Variants in C7orf78 observed in about 807,000 individuals in gnomAD.
The protein encoded by C7orf78 is putative uncharacterized protein C7orf78.
the C7orf78 span, among the ~76,000 whole-genome samples, chr7:12,508,394 A>G: frequency 7.2e-6 from 1 of 138,140 alleles, no homozygotes; most frequent in East Asian, 2.7e-4. Flanking sequence ...ATAACATTTC[A>G]TTGGAAAAAA....
the C7orf78 span, among the ~76,000 whole-genome samples, chr7:12,496,019 G>A: frequency 5.9e-5 from 9 of 151,738 alleles, no homozygotes; most frequent in South Asian, 2.1e-4. Context: ...TCTGCCTCCC[G>A]GGTTCACGCC....
chr7:12,488,809 G>A, the C7orf78 span, among the ~76,000 whole-genome samples: 1 of 151,950 alleles, frequency 6.6e-6, no homozygotes, highest in Non-Finnish European at 1.5e-5. Context: ...TGAGGTAGCT[G>A]TTGTAAGAAA....
the C7orf78 span, among the ~76,000 whole-genome samples, chr7:12,518,568 C>T: frequency 6.6e-6 from 1 of 152,080 alleles, no homozygotes; most frequent in Non-Finnish European, 1.5e-5. Flanking sequence ...TGTGTTTGTG[C>T]TGTTGGCAGC....
At chr7:12,539,194 G>C in the C7orf78 span, among the ~76,000 whole-genome samples, 1 of 152,218 alleles carries the variant, frequency 6.6e-6, no homozygotes, top group Admixed American at 6.5e-5. Context: ...GCCGGGCGCA[G>C]TGGCTCACAC....
chr7:12,490,588 G>C, the C7orf78 span, among the ~76,000 whole-genome samples: 1 of 152,086 alleles, frequency 6.6e-6, no homozygotes, highest in Non-Finnish European at 1.5e-5. Flanking sequence ...TTTTATTAAA[G>C]TGTCTTGAAA....
the C7orf78 span, chr7:12,523,405 C>A: frequency 1.8e-5 from 7 of 398,030 alleles, no homozygotes; most frequent in African/African-American, 1.4e-4. Flanking sequence ...ATGTCAATCC[C>A]AAACCACATG....
At chr7:12,508,137 ACT>A in the C7orf78 span, among the ~76,000 whole-genome samples, 4 of 152,020 alleles carry the variant, frequency 2.6e-5, no homozygotes, top group Admixed American at 2.6e-4. Flanking sequence ...TAAGTATAAA[ACT>A]CTTGTTAATT....
chr7:12,506,424 A>G, the C7orf78 span, among the ~76,000 whole-genome samples: 3 of 152,356 alleles, frequency 2.0e-5, no homozygotes, highest in Admixed American at 2.0e-4. Context: ...GGATAGAGAA[A>G]ATGTGGCACA....
the C7orf78 span, among the ~76,000 whole-genome samples, chr7:12,504,977 G>A: frequency 1.3e-5 from 2 of 151,874 alleles, no homozygotes; most frequent in Admixed American, 6.6e-5. Context: ...TCTAGGCAAA[G>A]GAACTTTAAA....
chr7:12,489,942 C>G, the C7orf78 span, among the ~76,000 whole-genome samples: 1 of 152,086 alleles, frequency 6.6e-6, no homozygotes, highest in South Asian at 2.1e-4. Context: ...CTCTAAAAGC[C>G]ATGATTGGTG....
chr7:12,500,823 A>T, the C7orf78 span, among the ~76,000 whole-genome samples: 7 of 147,484 alleles, frequency 4.7e-5, no homozygotes, highest in African/African-American at 1.8e-4. Context: ...TTGATGCAAA[A>T]ATCCTCAATA....
the C7orf78 span, among the ~76,000 whole-genome samples, chr7:12,495,027 TC>T: frequency 1.3e-5 from 2 of 152,108 alleles, no homozygotes; most frequent in African/African-American, 4.8e-5. Context: ...GCCCGTCTTC[TC>T]CCATTGATAA....
At chr7:12,528,819 C>T in the C7orf78 span, 6 of 396,694 alleles carry the variant, frequency 1.5e-5, no homozygotes, top group Non-Finnish European at 2.7e-5. Context: ...GGGTCCTGAT[C>T]TCCAAAAATG....
the C7orf78 span, chr7:12,525,713 A>G: frequency 2.4e-4 from 94 of 387,744 alleles, no homozygotes; most frequent in African/African-American, 1.7e-3. Context: ...AATCATCAAA[A>G]TTACGTTTTA....
At chr7:12,500,457 C>G in the C7orf78 span, among the ~76,000 whole-genome samples, 4 of 150,066 alleles carry the variant, frequency 2.7e-5, no homozygotes, top group Non-Finnish European at 5.9e-5. Context: ...AACACCTCTA[C>G]GCAAATAAAC....
the C7orf78 span, among the ~76,000 whole-genome samples, chr7:12,537,118 T>A: frequency 6.6e-6 from 1 of 152,212 alleles, no homozygotes; most frequent in Non-Finnish European, 1.5e-5. Flanking sequence ...GTTTACTGTA[T>A]TAGTTCATTC....
At chr7:12,497,409 T>A in the C7orf78 span, among the ~76,000 whole-genome samples, 9 of 152,320 alleles carry the variant, frequency 5.9e-5, no homozygotes, top group African/African-American at 2.2e-4. Context: ...ATTGCCTCAC[T>A]CGGGAAGCGC....
At chr7:12,486,928 T>G in the C7orf78 span, 3 of 141,386 alleles carry the variant, frequency 2.1e-5, no homozygotes, top group African/African-American at 8.4e-5. Context: ...ATCCATAATT[T>G]TTATAATTTA....
the C7orf78 span, among the ~76,000 whole-genome samples, chr7:12,503,849 C>T: frequency 6.6e-6 from 1 of 151,956 alleles, no homozygotes; most frequent in African/African-American, 2.4e-5. Context: ...GTAGCTCACA[C>T]CTGTAATCCC....
Sources: gnomAD v4.1 joint callset for allele counts (sites outside exome capture counted in the v4.1 genomes callset) on GRCh38, gnomAD v4.1.1 for gene constraint, MANE v1.5 for transcripts, NCBI Gene and HGNC (gene_info 2026-07-23, HGNC 2026-07-21) for gene names.